AKR1B1: variants seen among roughly 807,000 people sequenced by gnomAD.
The protein encoded by AKR1B1 is aldo-keto reductase family 1 member B.
AKR1B1 carries 22 observed loss-of-function variants against 40.4 expected under a neutral mutation model. The ratio of observed to expected loss-of-function variants is 0.54; its 90% confidence interval spans 0.39 to 0.78. AKR1B1 has a LOEUF of 0.78. Among genes scored for constraint, AKR1B1 ranks in the 30% least tolerant of loss-of-function variants. AKR1B1 has a pLI of 0.00. For synonymous variants in AKR1B1, 157 were observed against 149.9 expected (o/e 1.05, Z -0.35); for missense variants, 357 against 396.7 (o/e 0.90, Z 0.85).
At chr7:134,448,822 T>C (rs1021922118) in intron 5 of AKR1B1, among the ~76,000 whole-genome samples, 175 bp downstream of exon 5, 1 of 152,192 alleles carries the variant, frequency 6.6e-6, no homozygotes, top group Non-Finnish European at 1.5e-5. Flanking sequence ...CTTTCTTTCC[T>C]GTAAGTTTCC....
intron 2 of AKR1B1, chr7:134,451,176 T>A (rs1806275193): frequency 3.5e-6 from 2 of 565,094 alleles, no homozygotes; most frequent in East Asian, 3.1e-5. Context: ...CTCTCGAAAC[T>A]TTCCCCCCGG....
intron 1 of AKR1B1, among the ~76,000 whole-genome samples, chr7:134,456,175 T>C (rs765208022): frequency 6.6e-6 from 1 of 152,140 alleles, no homozygotes. Context: ...AAAGAATACA[T>C]ACACACATAC....
intron 3 of AKR1B1, among the ~76,000 whole-genome samples, chr7:134,450,487 T>C (rs2117456185): frequency 6.6e-6 from 1 of 152,300 alleles, no homozygotes; most frequent in Admixed American, 6.5e-5. Context: ...AGACAGCAGC[T>C]GTGTTTGCTG....
intron 1 of AKR1B1, 65 bp downstream of exon 1, chr7:134,458,932 C>CA: frequency 1.3e-6 from 2 of 1,537,684 alleles, no homozygotes; most frequent in Non-Finnish European, 1.8e-6. Flanking sequence ...CGGGGTCCCT[C>CA]GCCAATACAG....
At chr7:134,456,303 G>A (rs1162877769) in intron 1 of AKR1B1, among the ~76,000 whole-genome samples, 1 of 151,988 alleles carries the variant, frequency 6.6e-6, no homozygotes, top group Non-Finnish European at 1.5e-5. Context: ...GGGTTCAAGC[G>A]ATTTTCCTGC....
intron 4 of AKR1B1, chr7:134,449,464 G>A (rs1806217352): frequency 3.5e-6 from 2 of 576,200 alleles, no homozygotes; most frequent in Admixed American, 3.0e-5. Flanking sequence ...GCGGGCACCT[G>A]TAGTCCCAGC....
intron 1 of AKR1B1, among the ~76,000 whole-genome samples, chr7:134,458,680 G>T (rs907200430): frequency 6.6e-6 from 1 of 152,168 alleles, no homozygotes; most frequent in Non-Finnish European, 1.5e-5. Flanking sequence ...TGGGGCGCCC[G>T]CTAGGACCCA....
rs771600164 is a variant in AKR1B1 at position 134,458,986 on chromosome 7, C to T, written c.66+11G>A. On this transcript the variant is annotated intron_variant, in intron 1 of 9. Coordinates refer to ENST00000285930, the MANE Select transcript of AKR1B1 (RefSeq NM_001628.4). Reference sequence around the variant, plus strand: ...GGCGAGCCCCGGGCCCGCGCCCCCACGAGCACCTACCTTCCAGGTACCCAA... The same window carrying T: ...GGCGAGCCCCGGGCCCGCGCCCCCATGAGCACCTACCTTCCAGGTACCCAA... 4 of 1,604,508 alleles carry T rather than the reference C, an allele frequency of 2.5e-6. No homozygotes were observed. The highest frequency in any genetic ancestry group is 3.4e-5 in the Admixed American group (2 of 59,054).
At chr7:134,451,382 G>A in intron 2 of AKR1B1, 1 of 670,606 alleles carries the variant, frequency 1.5e-6, no homozygotes, top group Non-Finnish European at 2.7e-6. Flanking sequence ...CTAAGCAATG[G>A]GCCCAGATGG....
rs1806295127 is a variant in AKR1B1 at position 134,451,739 on chromosome 7, C to G, written c.81G>C (p.Gln27His). 6.2e-7 allele frequency: 1 copy of G among 1,614,160 alleles called. No homozygotes were observed. Among genetic ancestry groups the G allele is most frequent in the Non-Finnish European group, 8.5e-7 (1 of 1,180,022 alleles). The stretch of plus-strand genomic sequence containing the variant: ...TGGCCACCTTCACGGCCTCAGTCAC[C>G]TGCCCTGGAGGGGACTGAAAGGAGA... ...GLGTWKSPPG[Q>H]VTEAVKVAID... The change falls in exon 2 of 10, where the codon CAG becomes CAC. Residue 27 changes from glutamine (Q) to histidine (H), a missense_variant. Physicochemically the swap from Gln to His is conservative, Grantham distance 24. Coordinates refer to ENST00000285930, the MANE Select transcript of AKR1B1 (RefSeq NM_001628.4).
intron 1 of AKR1B1, among the ~76,000 whole-genome samples, chr7:134,452,587 G>C (rs755102823): frequency 1.6e-4 from 25 of 152,142 alleles, no homozygotes; most frequent in Non-Finnish European, 7.3e-5. Context: ...ATGGCATCGC[G>C]CTTCACTGGC....
chr7:134,448,051 C>T lies in AKR1B1; in HGVS notation c.670G>A (p.Glu224Lys), dbSNP rs777117648. Residue 224 changes from glutamate to lysine, a missense_variant, in exon 7 of 10, where the codon GAG becomes AAG. Glu to Lys is a moderately conservative substitution (Grantham distance 56, BLOSUM62 1). Coordinates refer to ENST00000285930, the MANE Select transcript of AKR1B1 (RefSeq NM_001628.4). ...GSPDRPWAKP[E>K]DPSLLEDPRI... The stretch of plus-strand genomic sequence containing the variant: ...GGATCCTCCAGGAGAGAAGGGTCCT[C>T]GGGCTTGGCCCTGAGGATAGAAAGA... 24 of 1,612,116 alleles carry T rather than the reference C, an allele frequency of 1.5e-5. No individual in the cohort carries two copies. The highest frequency in any genetic ancestry group is 6.7e-5 in the East Asian group (3 of 44,850).
At chr7:134,451,896 T>C in intron 1 of AKR1B1, 143 bp from the exon 2 acceptor site, 1 of 852,172 alleles carries the variant, frequency 1.2e-6, no homozygotes, top group Non-Finnish European at 1.9e-6. Flanking sequence ...TCAGCAGCAT[T>C]CTGGACTATC....
intron 8 of AKR1B1, among the ~76,000 whole-genome samples, chr7:134,445,781 A>C (rs1284862589): frequency 6.6e-6 from 1 of 152,278 alleles, no homozygotes; most frequent in East Asian, 1.9e-4. Flanking sequence ...GAAACTGAAC[A>C]ACCACAGCCG....
In AKR1B1 at chr7:134,442,651, T is replaced by C; in HGVS notation, c.*77A>G. 6.8e-7 allele frequency: 1 copy of C among 1,468,060 alleles called. No individual in the cohort carries two copies. The highest frequency in any genetic ancestry group is 1.7e-5 in the Admixed American group (1 of 58,898). The allele number at this position is 1,468,060 out of a possible 1,614,324, so 90.9% of individuals were successfully genotyped here. A position where few individuals can be genotyped will look rare whatever the true frequency, so the allele number is the denominator to read the frequency against. On this transcript the variant is annotated 3_prime_UTR_variant, in exon 10 of 10. Coordinates refer to ENST00000285930, the MANE Select transcript of AKR1B1 (RefSeq NM_001628.4). ...TCCCACTGCTGAGTGACACAGGCCA[T>C]ACTACATTTGCAAGGAAAAAAATGA...
intron 1 of AKR1B1, among the ~76,000 whole-genome samples, chr7:134,455,605 T>A (rs529930244): frequency 1.0e-3 from 155 of 151,496 alleles, no homozygotes; most frequent in African/African-American, 3.6e-3. Flanking sequence ...TGAGACCGAG[T>A]TTTTTTTTGC....
rs913880322 is a variant in AKR1B1, at chr7:134,449,502, G to A, written c.429+218C>T. On this transcript the variant is annotated intron_variant, in intron 4 of 9. Transcript: ENST00000285930. Reference sequence around the variant, plus strand: ...CTCAGGAGGCTGAGGCAGGAGAATGGCGTGAACCCAGGAGGTGGAGCTTGC... The same window carrying A: ...CTCAGGAGGCTGAGGCAGGAGAATGACGTGAACCCAGGAGGTGGAGCTTGC... The A allele has an allele frequency of 5.7e-5, 34 of 594,556 alleles. 1 individual carries two copies. The highest frequency in any genetic ancestry group is 5.2e-4 in the South Asian group (26 of 50,042). 36.8% of individuals were successfully genotyped at this position (594,556 alleles called of 1,614,324 possible).
At chr7:134,457,743 T>G (rs535805099) in intron 1 of AKR1B1, among the ~76,000 whole-genome samples, 15 of 152,298 alleles carry the variant, frequency 9.8e-5, no homozygotes, top group African/African-American at 3.6e-4. Context: ...GCCAGATGGT[T>G]CACACCTGTA....
intron 8 of AKR1B1, among the ~76,000 whole-genome samples, chr7:134,446,470 C>G (rs2734655): frequency 6.6e-6 from 1 of 152,110 alleles, no homozygotes; most frequent in Non-Finnish European, 1.5e-5. Context: ...GTGCTGCGCT[C>G]GGCACAGATC....
Sources: allele counts gnomAD v4.1 joint callset (sites outside exome capture counted in the v4.1 genomes callset), GRCh38; gene constraint gnomAD v4.1.1; transcripts MANE v1.5; gene names NCBI Gene and HGNC (gene_info 2026-07-23, HGNC 2026-07-21).